TRIT1: variants seen among roughly 807,000 people sequenced by gnomAD.
TRIT1 encodes tRNA isopentenyltransferase 1.
A neutral mutation model predicts 51.2 loss-of-function variants in TRIT1; 43 were observed. The observed-to-expected ratio is 0.84, with a 90% CI of 0.66 to 1.08. The LOEUF (loss-of-function observed/expected upper bound fraction) is 1.08. TRIT1 is among the 50% of genes least tolerant of loss of function. The pLI is 0.00. For missense variants in TRIT1, 528 were observed against 578.4 expected, an observed-to-expected ratio of 0.91 and a Z score of 0.89; for synonymous variants, 184 against 203.9, an observed-to-expected ratio of 0.90 and a Z score of 0.83.
chr1:39,877,467 G>C (rs959978490), intron 1 of TRIT1, among the ~76,000 whole-genome samples: 8 of 151,836 alleles, frequency 5.3e-5, no homozygotes, highest in Admixed American at 1.3e-4. Flanking sequence ...AACACAAAAG[G>C]AACTGTGCTC....
At chr1:39,847,482 C>T (rs1642299026) in intron 7 of TRIT1, 66 bp downstream of exon 7, 1 of 1,561,114 alleles carries the variant, frequency 6.4e-7, no homozygotes, top group African/African-American at 1.4e-5. Context: ...CTTTCTCAGA[C>T]CATACCAGCA....
intron 1 of TRIT1, among the ~76,000 whole-genome samples, chr1:39,870,831 C>T (rs6688631): frequency 0.011 from 1,730 of 152,224 alleles, 22 homozygotes; most frequent in African/African-American, 0.039. Context: ...CACACTAAAA[C>T]CTGTACATGA....
intron 10 of TRIT1, among the ~76,000 whole-genome samples, chr1:39,842,763 A>C (rs1193293043): frequency 1.3e-5 from 2 of 152,320 alleles, no homozygotes; most frequent in East Asian, 3.8e-4. Flanking sequence ...CATATTAAAA[A>C]CATCATTTTT....
intron 8 of TRIT1, among the ~76,000 whole-genome samples, chr1:39,845,570 G>C (rs1408989543): frequency 6.6e-6 from 1 of 152,234 alleles, no homozygotes; most frequent in Non-Finnish European, 1.5e-5. Flanking sequence ...CACAGGAAAG[G>C]TGAGACTAGG....
At position 39,840,042 on chromosome 1, in the gene TRIT1, C is replaced by A. The variant is rs1378950633; in HGVS notation, c.*1702G>T. Among the ~76,000 whole-genome samples, 1 of 152,172 alleles carries A rather than the reference C, an allele frequency of 6.6e-6. No homozygotes were observed. Among genetic ancestry groups the A allele is most frequent in the Non-Finnish European group, 1.5e-5 (1 of 68,034 alleles). On this transcript the variant is annotated 3_prime_UTR_variant, in exon 11 of 11. Transcript: ENST00000316891. The stretch of plus-strand genomic sequence containing the variant: ...GCTCTACCGCTTGCTAGCTGTACTC[C>A]ATTGCTGAGCCTTAGTTTCCTCCCT...
chr1:39,864,074 C>T (rs1449313340), intron 1 of TRIT1, among the ~76,000 whole-genome samples: 1 of 151,890 alleles, frequency 6.6e-6, no homozygotes, highest in African/African-American at 2.4e-5. Context: ...GTAGTAGAGA[C>T]GGGGTTTTGC....
chr1:39,881,419 G>A (rs1644262948), intron 1 of TRIT1: 1 of 152,062 alleles, frequency 6.6e-6, no homozygotes, highest in Non-Finnish European at 1.5e-5. Context: ...GCTCACAAAT[G>A]AATGTTCCTT....
intron 1 of TRIT1, among the ~76,000 whole-genome samples, chr1:39,859,079 C>T (rs566662603): frequency 1.3e-5 from 2 of 151,738 alleles, no homozygotes; most frequent in South Asian, 4.2e-4. Flanking sequence ...GATGAAACCC[C>T]ATCTCTACTA....
chr1:39,872,550 AG>A (rs897793538), intron 1 of TRIT1, among the ~76,000 whole-genome samples: 2 of 152,144 alleles, frequency 1.3e-5, no homozygotes, highest in African/African-American at 4.8e-5. Flanking sequence ...CAAATAAGCA[AG>A]GGGGGAAGAC....
Position 39,883,362 on chromosome 1 carries a change from C to CT in TRIT1, c.129dup (p.Gly44ArgfsTer7). The CT allele has an allele frequency of 6.2e-7, 1 of 1,612,934 alleles. No homozygotes were observed. The highest frequency in any genetic ancestry group is 8.5e-7 in the Non-Finnish European group (1 of 1,179,670). Reference sequence around the variant, plus strand: ...ACGATCTCACCGCCGAGCCGCTGGCCTAGCTGCAACGCCAGCGTGGATTTG... The same window carrying CT: ...ACGATCTCACCGCCGAGCCGCTGGCCTTAGCTGCAACGCCAGCGTGGATTTG... On this transcript the variant is annotated frameshift_variant, in exon 1 of 11. Coordinates refer to ENST00000316891, the MANE Select transcript of TRIT1 (RefSeq NM_017646.6). LOFTEE classifies it high-confidence loss of function.
intron 1 of TRIT1, among the ~76,000 whole-genome samples, chr1:39,869,465 C>A (rs1643750034): frequency 6.6e-6 from 1 of 152,206 alleles, no homozygotes; most frequent in Non-Finnish European, 1.5e-5. Flanking sequence ...ACCTCCACCT[C>A]CCAGCCGCCT....
In TRIT1 at chr1:39,847,634, TG is replaced by T. The variant is rs1642311510; in HGVS notation, c.841del (p.Gln281AsnfsTer12). 5 of 1,614,208 alleles carry T rather than the reference TG, an allele frequency of 3.1e-6. No individual in the cohort carries two copies. The highest frequency in any genetic ancestry group is 4.2e-6 in the Non-Finnish European group (5 of 1,180,026). ...NSQDYQHGIF[Q>X]SIGFKEFHEY... is the part of the protein sequence containing the mutation. ...GTGAAATTCCTTGAAGCCAATTGAT[TG>T]GAAGATACCATGTTGATAGTCCTGG... On this transcript the variant is annotated frameshift_variant, in exon 7 of 11. Transcript: ENST00000316891. LOFTEE classifies it high-confidence loss of function.
chr1:39,872,784 G>C (rs35928696), intron 1 of TRIT1, among the ~76,000 whole-genome samples: 63 of 84,456 alleles, frequency 7.5e-4, no homozygotes, highest in East Asian at 5.9e-3. Context: ...CACACACAGA[G>C]AGAGAGAGAA....
chr1:39,867,592 T>C (rs1643624572), intron 1 of TRIT1, among the ~76,000 whole-genome samples: 1 of 152,208 alleles, frequency 6.6e-6, no homozygotes, highest in African/African-American at 2.4e-5. Flanking sequence ...AATTGGCACA[T>C]ATTTTTAAGT....
At chr1:39,861,226 G>A (rs1216733605) in intron 1 of TRIT1, among the ~76,000 whole-genome samples, 1 of 152,148 alleles carries the variant, frequency 6.6e-6, no homozygotes, top group Non-Finnish European at 1.5e-5. Flanking sequence ...AGCTATTACG[G>A]AAAACAATAT....
At chr1:39,847,962 T>A (rs1308448055) in intron 6 of TRIT1, 24 bp downstream of exon 6, 4 of 1,597,384 alleles carry the variant, frequency 2.5e-6, no homozygotes, top group Non-Finnish European at 3.4e-6. Context: ...GGACAGTAGG[T>A]CAGAATAACA....
intron 1 of TRIT1, among the ~76,000 whole-genome samples, chr1:39,872,200 T>C (rs936815771): frequency 9.3e-5 from 14 of 150,976 alleles, no homozygotes; most frequent in African/African-American, 3.4e-4. Flanking sequence ...TGTGAACCAC[T>C]GCAGCTGGCC....
intron 1 of TRIT1, among the ~76,000 whole-genome samples, chr1:39,870,965 G>A (rs1643863099): frequency 1.3e-5 from 2 of 152,186 alleles, no homozygotes; most frequent in Non-Finnish European, 2.9e-5. Context: ...AGGCTGAGGA[G>A]GGCGGATCAC....
chr1:39,842,354 C>T (rs1031561955), intron 10 of TRIT1, among the ~76,000 whole-genome samples: 1 of 152,204 alleles, frequency 6.6e-6, no homozygotes, highest in Non-Finnish European at 1.5e-5. Flanking sequence ...GTTATAGATG[C>T]ATTTTTAACT....
Sources: allele counts gnomAD v4.1 joint callset (sites outside exome capture counted in the v4.1 genomes callset), GRCh38; gene constraint gnomAD v4.1.1; transcripts MANE v1.5; gene names NCBI Gene and HGNC (gene_info 2026-07-23, HGNC 2026-07-21).